DENND6B: variants seen among roughly 807,000 people sequenced by gnomAD.
The protein encoded by DENND6B is protein DENND6B.
In DENND6B, 73 loss-of-function variants were observed where a neutral mutation model predicts 85.1. The ratio of observed to expected loss-of-function variants is 0.86; its 90% CI spans 0.71 to 1.04. DENND6B has a LOEUF of 1.04. Among genes scored for constraint, DENND6B ranks in the 50% least tolerant of loss-of-function variants. The pLI is 0.00. For missense variants in DENND6B, 715 were observed against 785.8 expected, an observed-to-expected ratio of 0.91 and a Z score of 1.08; for synonymous variants, 357 against 329.3, an observed-to-expected ratio of 1.08 and a Z score of -0.91.
chr22:50,314,534 CCAGGGAGGTG>C (rs749352891), intron 11 of DENND6B, 40 bp from the exon 12 acceptor site: 16 of 1,553,866 alleles, frequency 1.0e-5, no homozygotes, highest in Non-Finnish European at 1.3e-5. Flanking sequence ...AGACAGAGGT[CCAGGGAGGTG>C]CAGGAAGGGC....
chr22:50,314,575 G>A (rs1390614346), intron 11 of DENND6B, 30 bp downstream of exon 11: 4 of 1,556,090 alleles, frequency 2.6e-6, no homozygotes, highest in South Asian at 1.2e-5. Context: ...GCGGAGCAAG[G>A]GCAAGAGGCG....
rs1332020214 is a variant in DENND6B at position 50,313,567 on chromosome 22, G to A, written c.1293+68C>T. 82 of 135,786 alleles carry A rather than the reference G, an allele frequency of 6.0e-4. No individual in the cohort carries two copies. In the Middle Eastern group the frequency reaches 8.4e-3, roughly 14 times the overall value. The allele number at this position is 135,786 out of a possible 1,614,324, so 8.4% of individuals were successfully genotyped here. A position where few individuals can be genotyped will look rare whatever the true frequency, so the allele number is the denominator to read the frequency against. ...CCCCAGCCCCATCCCCCGCAGCCCC[G>A]TCCCCCCCAACCCCATCCCCCCAGC... On this transcript the variant is annotated intron_variant, in intron 15 of 19. Transcript: ENST00000413817.
chr22:50,317,113 G>A (rs550276777), intron 5 of DENND6B, 180 bp downstream of exon 5: 286 of 490,332 alleles, frequency 5.8e-4, no homozygotes, highest in South Asian at 3.4e-3. Flanking sequence ...AGGACAGGGT[G>A]GGGGGCGGCG....
chr22:50,322,645 G>A (rs1204886062), intron 1 of DENND6B, among the ~76,000 whole-genome samples: 1 of 152,112 alleles, frequency 6.6e-6, no homozygotes, highest in East Asian at 1.9e-4. Context: ...TGCCTCCCAG[G>A]TTCAAGCGAT....
At chr22:50,324,285 C>A (rs992044072) in intron 1 of DENND6B, among the ~76,000 whole-genome samples, 25 of 152,176 alleles carry the variant, frequency 1.6e-4, no homozygotes, top group Admixed American at 1.6e-3. Context: ...GTCCTGTGAG[C>A]ACTATGGACT....
At position 50,314,505 on chromosome 22, in the gene DENND6B, A is replaced by G. The variant is rs1287683578; in HGVS notation, c.978-11T>C. On this transcript the variant is annotated splice_polypyrimidine_tract_variant and intron_variant, in intron 11 of 19. Transcript: ENST00000413817. ...AGGACCACGTTTGGTCTAGACAGAC[A>G]GAGAGAGAGAAGAGGCAGAGACAGA... The G allele has an allele frequency of 6.4e-7, 1 of 1,554,716 alleles. No homozygotes were observed. Among genetic ancestry groups the G allele is most frequent in the Non-Finnish European group, 8.7e-7 (1 of 1,148,256 alleles).
rs372105496 is a variant in DENND6B at position 50,312,202 on chromosome 22, C to T, written c.1695G>A (p.Leu565=). The change falls in exon 20 of 20, where the codon CTG becomes CTA. Residue 565 remains leucine, a synonymous_variant. Coordinates refer to ENST00000413817, the MANE Select transcript of DENND6B (RefSeq NM_001001794.4). ...VKEATLQRAQ[L]YIETVIGSLP... is the part of the protein sequence containing the mutation. ...GGGAGCCGATGACCGTCTCGATGTA[C>T]AGCTGTGCCCGCTGCAGCGTAGCCT... 3.5e-5 allele frequency: 57 copies of T among 1,612,358 alleles called. No individual in the cohort carries two copies. Among genetic ancestry groups the T allele is most frequent in the Non-Finnish European group, 4.6e-5 (54 of 1,179,742 alleles).
intron 5 of DENND6B, 77 bp from the exon 6 acceptor site, chr22:50,316,552 G>A (rs553646729): frequency 3.1e-4 from 472 of 1,547,338 alleles, no homozygotes; most frequent in Non-Finnish European, 3.5e-4. Flanking sequence ...GGGGACCACC[G>A]AAGCCACGCT....
intron 1 of DENND6B, among the ~76,000 whole-genome samples, chr22:50,325,630 C>T (rs1025580642): frequency 4.6e-5 from 7 of 152,120 alleles, no homozygotes; most frequent in African/African-American, 1.7e-4. Flanking sequence ...TCACCGCGTC[C>T]GGCCAGGAAC....
chr22:50,314,398 A>T lies in DENND6B; in HGVS notation c.1072+2T>A. The T allele has an allele frequency of 6.4e-7, 1 of 1,563,762 alleles. No homozygotes were observed. Among genetic ancestry groups the T allele is most frequent in the Non-Finnish European group, 8.7e-7 (1 of 1,153,936 alleles). On this transcript the variant is annotated splice_donor_variant, in intron 12 of 19. Transcript: ENST00000413817. LOFTEE classifies it high-confidence loss of function. Reference sequence around the variant, plus strand: ...CCCCCTGCACCTCACCGGGAGCCTGACCTGACATCTTGGGCTCCCCGACTC... The same window carrying T: ...CCCCCTGCACCTCACCGGGAGCCTGTCCTGACATCTTGGGCTCCCCGACTC...
Position 50,313,889 on chromosome 22 carries a change from G to A in DENND6B, c.1139-11C>T. On this transcript the variant is annotated splice_polypyrimidine_tract_variant and intron_variant, in intron 13 of 19. Transcript: ENST00000413817. Reference sequence around the variant, plus strand: ...AAGCGGTGTAGAGGCCTGGCGGGAGGGCACAGCTGGCGCCCCACCCTTCAA... The same window carrying A: ...AAGCGGTGTAGAGGCCTGGCGGGAGAGCACAGCTGGCGCCCCACCCTTCAA... 1 of 1,603,572 alleles carries A rather than the reference G, an allele frequency of 6.2e-7. No homozygotes were observed. Among genetic ancestry groups the A allele is most frequent in the Non-Finnish European group, 8.5e-7 (1 of 1,176,962 alleles).
intron 1 of DENND6B, 28 bp from the exon 2 acceptor site, chr22:50,319,031 A>G: frequency 6.3e-7 from 1 of 1,581,522 alleles, no homozygotes; most frequent in Non-Finnish European, 8.6e-7. Flanking sequence ...GTGCTTGGTG[A>G]CACCATCTGT....
chr22:50,317,241 G>A, intron 5 of DENND6B, 52 bp downstream of exon 5: 2 of 1,600,582 alleles, frequency 1.2e-6, no homozygotes, highest in Non-Finnish European at 1.7e-6. Context: ...CCTGCTGCCT[G>A]CCAGCTCCTG....
At chr22:50,315,810 G>A in intron 8 of DENND6B, 41 bp from the exon 9 acceptor site, 2 of 1,488,666 alleles carry the variant, frequency 1.3e-6, no homozygotes, top group South Asian at 2.7e-5. Context: ...AGGGGAGGCT[G>A]GCACCCCTTG....
intron 1 of DENND6B, among the ~76,000 whole-genome samples, chr22:50,320,048 A>G (rs546790744): frequency 6.6e-6 from 1 of 152,178 alleles, no homozygotes; most frequent in South Asian, 2.1e-4. Context: ...TGGGCCCTGC[A>G]ATGTCTCCTG....
At chr22:50,313,599 C>T (rs376935791) in intron 15 of DENND6B, 36 bp downstream of exon 15, 13 of 1,509,358 alleles carry the variant, frequency 8.6e-6, no homozygotes, top group Non-Finnish European at 1.1e-5. Flanking sequence ...CAGCCCCGTG[C>T]CCCCCAGTCC....
intron 1 of DENND6B, among the ~76,000 whole-genome samples, chr22:50,324,167 C>T (rs554173929): frequency 6.6e-6 from 1 of 152,160 alleles, no homozygotes; most frequent in African/African-American, 2.4e-5. Flanking sequence ...GCCCTGCTGG[C>T]CCCTCTCAAG....
At chr22:50,319,186 A>G in intron 1 of DENND6B, 183 bp from the exon 2 acceptor site, 2 of 1,511,958 alleles carry the variant, frequency 1.3e-6, no homozygotes, top group South Asian at 2.5e-5. Flanking sequence ...CATCCTCCCC[A>G]CACCATATTC....
intron 10 of DENND6B, 45 bp downstream of exon 10, chr22:50,314,754 C>G: frequency 1.3e-6 from 2 of 1,577,944 alleles, no homozygotes; most frequent in Middle Eastern, 1.7e-4. Flanking sequence ...CAGGCACAGC[C>G]GCGATGGTCC....
Sources: gnomAD v4.1 joint callset for allele counts (sites outside exome capture counted in the v4.1 genomes callset) on GRCh38, gnomAD v4.1.1 for gene constraint, MANE v1.5 for transcripts, NCBI Gene and HGNC (gene_info 2026-07-23, HGNC 2026-07-21) for gene names.